The following FER1L6 variants were observed in gnomAD, a reference collection of about 807,000 sequenced individuals.
FER1L6 encodes the protein fer-1 like family member 6, also known as fer-1-like protein 6.
A neutral mutation model predicts 219.2 loss-of-function variants in FER1L6; 177 were observed. That is an observed-to-expected ratio of 0.81 (90% confidence interval 0.71 to 0.91). The LOEUF (loss-of-function observed/expected upper bound fraction) is 0.91. Ranked by LOEUF, FER1L6 falls within the 40% of genes least tolerant of loss-of-function variation. The pLI, the probability that FER1L6 is intolerant of heterozygous loss-of-function variation, is 0.00. For synonymous variants in FER1L6, 768 were observed against 824.3 expected (o/e 0.93, Z 1.17); for missense variants, 2,153 against 2,259.9 (o/e 0.95, Z 0.96).
chr8:123,956,789 A>G (rs1815042097), intron 2 of FER1L6, among the ~76,000 whole-genome samples: 1 of 152,158 alleles, frequency 6.6e-6, no homozygotes, highest in Non-Finnish European at 1.5e-5. Flanking sequence ...CGAGCATGGG[A>G]GGTACACAGC....
chr8:123,987,396 G>A (rs1020300399), intron 12 of FER1L6, among the ~76,000 whole-genome samples: 4 of 151,890 alleles, frequency 2.6e-5, no homozygotes, highest in African/African-American at 9.7e-5. Flanking sequence ...ACAGTTGTTA[G>A]AGCTCCTTAT....
At chr8:123,999,991 C>A (rs1013362352) in intron 12 of FER1L6, among the ~76,000 whole-genome samples, 4 of 152,164 alleles carry the variant, frequency 2.6e-5, no homozygotes, top group Non-Finnish European at 1.5e-5. Flanking sequence ...CCTAGACTAC[C>A]TTTCAAGTTT....
intron 11 of FER1L6, chr8:123,983,988 G>C (rs1460630198): frequency 6.6e-6 from 1 of 152,130 alleles, no homozygotes; most frequent in Non-Finnish European, 1.5e-5. Context: ...ATAGTAAGAG[G>C]TCAGTAAACA....
rs1173117025 is a variant in FER1L6, at chr8:123,855,701, GTA to G, written c.-8+3520_-8+3521del. On this transcript the variant is annotated intron_variant, in intron 1 of 40. Transcript: ENST00000522917. ...ACCATATGTGTGTGTGTGTGTGTGTGTATATGTACACACACACACACACACAT... is the reference window on the plus strand; with the variant it reads ...ACCATATGTGTGTGTGTGTGTGTGTGTATGTACACACACACACACACACAT... Among the ~76,000 whole-genome samples the G allele has an allele frequency of 6.1e-3, 573 of 93,344 alleles. 4 individuals are homozygous for G. Among genetic ancestry groups the G allele is most frequent in the African/African-American group, 0.024 (528 of 21,608 alleles). 61.2% of individuals were successfully genotyped at this position (93,344 alleles called of 152,430 possible). A position where few individuals can be genotyped will look rare whatever the true frequency, so the allele number is the denominator to read the frequency against.
At chr8:124,079,081 T>G (rs1449195115) in intron 32 of FER1L6, among the ~76,000 whole-genome samples, 23 of 152,138 alleles carry the variant, frequency 1.5e-4, no homozygotes, top group Non-Finnish European at 1.5e-5. Context: ...TCAGCCTTCA[T>G]CTCCACATGG....
chr8:124,082,205 G>A lies in FER1L6; in HGVS notation c.4221-83G>A, dbSNP rs539630407. The A allele has an allele frequency of 9.5e-5, 100 of 1,054,412 alleles. No individual in the cohort carries two copies. In the South Asian group the frequency reaches 1.3e-3, roughly 14 times the overall value. The allele number at this position is 1,054,412 out of a possible 1,614,324, so 65.3% of individuals were successfully genotyped here. Reference sequence around the variant, plus strand: ...TGTTTAATGAGTTCACATGAATAGCGGGCTAGCTAAAAGTGAAGCTGGGAA... The same window carrying A: ...TGTTTAATGAGTTCACATGAATAGCAGGCTAGCTAAAAGTGAAGCTGGGAA... On this transcript the variant is annotated intron_variant, in intron 32 of 40. Coordinates refer to ENST00000522917, the MANE Select transcript of FER1L6 (RefSeq NM_001039112.2).
chr8:124,028,810 T>A (rs1276424075), intron 18 of FER1L6, among the ~76,000 whole-genome samples: 1 of 152,218 alleles, frequency 6.6e-6, no homozygotes, highest in Non-Finnish European at 1.5e-5. Flanking sequence ...GGGATACATG[T>A]GCACAATGTG....
At chr8:123,947,237 C>T (rs1295954513) in intron 1 of FER1L6, among the ~76,000 whole-genome samples, 1 of 147,604 alleles carries the variant, frequency 6.8e-6, no homozygotes, top group Non-Finnish European at 1.5e-5. Flanking sequence ...CAGAGCAAGA[C>T]TCAGTCTAAA....
chr8:123,972,663 T>A (rs958669215), intron 6 of FER1L6, among the ~76,000 whole-genome samples: 2 of 152,210 alleles, frequency 1.3e-5, no homozygotes, highest in African/African-American at 4.8e-5. Flanking sequence ...TCCTGTTATT[T>A]GGGAACCATA....
chr8:123,858,322 G>T (rs2130246671), intron 1 of FER1L6, among the ~76,000 whole-genome samples: 1 of 152,232 alleles, frequency 6.6e-6, no homozygotes, highest in Non-Finnish European at 1.5e-5. Context: ...TAAACTTTGA[G>T]ATCTTAGCTA....
At chr8:123,913,408 A>G (rs1813097043) in intron 1 of FER1L6, among the ~76,000 whole-genome samples, 1 of 152,214 alleles carries the variant, frequency 6.6e-6, no homozygotes, top group Non-Finnish European at 1.5e-5. Context: ...GAGAAAGAAA[A>G]TAGGAGCATT....
intron 1 of FER1L6, among the ~76,000 whole-genome samples, chr8:123,915,412 T>C (rs982515379): frequency 6.6e-5 from 10 of 152,132 alleles, no homozygotes; most frequent in Non-Finnish European, 1.5e-4. Flanking sequence ...GAGACTCCAC[T>C]GGTCTCTTTT....
chr8:124,067,832 G>A (rs1259216072), intron 28 of FER1L6, 26 bp downstream of exon 28: 5 of 1,600,852 alleles, frequency 3.1e-6, no homozygotes, highest in Non-Finnish European at 4.3e-6. Flanking sequence ...GGGGACATTT[G>A]TCCATAGAAT....
rs1820968655 is a variant in FER1L6, at chr8:124,069,380, G to A, written c.3739G>A (p.Val1247Met). The change falls in exon 29 of 41, where the codon GTG becomes ATG. Residue 1247 changes from valine to methionine, a missense_variant. Val to Met is a conservative substitution (Grantham distance 21). Coordinates refer to ENST00000522917, the MANE Select transcript of FER1L6 (RefSeq NM_001039112.2). ...CACAGAGGCAAAGCCAGATGAGGTA[G>A]TGGTAGATATAGAAGATGGGCCAAA... ...GNTEAKPDEV[V>M]VDIEDGPKKK... 4 of 1,612,630 alleles carry A rather than the reference G, an allele frequency of 2.5e-6. No individual in the cohort carries two copies. Among genetic ancestry groups the A allele is most frequent in the Non-Finnish European group, 3.4e-6 (4 of 1,179,478 alleles).
intron 12 of FER1L6, among the ~76,000 whole-genome samples, chr8:123,989,202 T>G (rs1386292765): frequency 6.6e-6 from 1 of 152,150 alleles, no homozygotes; most frequent in African/African-American, 2.4e-5. Flanking sequence ...ATATTTTTAA[T>G]GTGTTGTTGA....
intron 24 of FER1L6, 81 bp downstream of exon 24, chr8:124,060,790 T>C: frequency 2.8e-6 from 4 of 1,411,270 alleles, no homozygotes; most frequent in Non-Finnish European, 3.9e-6. Context: ...AGATGTCCAC[T>C]AGCTGCGAGA....
At chr8:123,954,824 T>A (rs1420102989) in intron 1 of FER1L6, among the ~76,000 whole-genome samples, 1 of 152,168 alleles carries the variant, frequency 6.6e-6, no homozygotes, top group East Asian at 1.9e-4. Flanking sequence ...GCTTTTCACG[T>A]TCAAGGCCCA....
intron 1 of FER1L6, among the ~76,000 whole-genome samples, chr8:123,897,134 C>A (rs2129717708): frequency 6.6e-6 from 1 of 152,254 alleles, no homozygotes. Flanking sequence ...TTTTCCACCC[C>A]TCCACAACTG....
At chr8:123,856,952 G>C (rs1158652982) in intron 1 of FER1L6, among the ~76,000 whole-genome samples, 1 of 152,070 alleles carries the variant, frequency 6.6e-6, no homozygotes, top group East Asian at 1.9e-4. Context: ...CAGATGAGAT[G>C]CCTTGACAAG....
Sources: gnomAD v4.1 joint callset for allele counts (sites outside exome capture counted in the v4.1 genomes callset) on GRCh38, gnomAD v4.1.1 for gene constraint, MANE v1.5 for transcripts, NCBI Gene and HGNC (gene_info 2026-07-23, HGNC 2026-07-21) for gene names.